TCEANC2: variants seen among roughly 807,000 people sequenced by gnomAD.
TCEANC2 encodes the protein transcription elongation factor A N-terminal and central domain-containing protein 2.
TCEANC2 carries 20 observed loss-of-function variants against 22.8 expected under a neutral mutation model. The observed-to-expected ratio is 0.88, with a 90% CI of 0.62 to 1.28. The LOEUF (loss-of-function observed/expected upper bound fraction) is 1.28. Ranked by LOEUF, TCEANC2 falls within the 50% of genes most tolerant of loss-of-function variation. The pLI, the probability that TCEANC2 is intolerant of heterozygous loss-of-function variation, is 0.00. For synonymous variants in TCEANC2, 84 were observed against 95.5 expected (o/e 0.88, Z 0.70); for missense variants, 251 against 249.7 (o/e 1.01, Z -0.03).
intron 4 of TCEANC2, 63 bp downstream of exon 4, chr1:54,088,853 A>T (rs1356702027): frequency 1.8e-5 from 23 of 1,243,510 alleles, no homozygotes; most frequent in Non-Finnish European, 2.3e-5. Flanking sequence ...AAAGAAGAAA[A>T]ATAAAGGTAA....
rs774147555 is a variant in TCEANC2, at chr1:54,054,537, C to G, written c.102+13C>G. 5 of 1,607,996 alleles carry G rather than the reference C, an allele frequency of 3.1e-6. No individual in the cohort carries two copies. The highest frequency in any genetic ancestry group is 1.3e-5 in the African/African-American group (1 of 74,618). ...TGAATCTCTGAAGGTGAGAGGGGAT[C>G]TGGGGCTAGAGGAAATGTGCAAAGG... On this transcript the variant is annotated intron_variant, in intron 2 of 4. Coordinates refer to ENST00000234827, the MANE Select transcript of TCEANC2 (RefSeq NM_153035.3).
Position 54,060,435 on chromosome 1 carries a change from G to C in TCEANC2, c.102+5911G>C, listed in dbSNP as rs1657831496. ...AAAAAAAAAATTAGCCGGGCGTGGTGGCATGCGCCTATGGTCCTAGCCACT... is the reference window on the plus strand; with the variant it reads ...AAAAAAAAAATTAGCCGGGCGTGGTCGCATGCGCCTATGGTCCTAGCCACT... On this transcript the variant is annotated intron_variant, in intron 2 of 4. Transcript: ENST00000234827. Among the ~76,000 whole-genome samples, 8 of 151,904 alleles carry C rather than the reference G, an allele frequency of 5.3e-5. No individual in the cohort carries two copies. The South Asian group carries it at 1.7e-3, about 32-fold the overall frequency.
At chr1:54,062,379 A>T (rs1657874411) in intron 2 of TCEANC2, among the ~76,000 whole-genome samples, 1 of 152,224 alleles carries the variant, frequency 6.6e-6, no homozygotes, top group Non-Finnish European at 1.5e-5. Context: ...ACATTTCTTG[A>T]TATATATGGA....
chr1:54,078,683 T>C (rs1658186631), intron 3 of TCEANC2, among the ~76,000 whole-genome samples: 1 of 152,182 alleles, frequency 6.6e-6, no homozygotes, highest in Non-Finnish European at 1.5e-5. Flanking sequence ...AATACTTATT[T>C]GGAAGTCATC....
rs560132181 is a variant in TCEANC2 at position 54,093,416 on chromosome 1, A to G, written c.439-2869A>G. ...AACAAACTTGTTATACATAAGGTACATGATGAATCATTTTCTATTATGATT... is the reference window on the plus strand; with the variant it reads ...AACAAACTTGTTATACATAAGGTACGTGATGAATCATTTTCTATTATGATT... On this transcript the variant is annotated intron_variant, in intron 4 of 4. Coordinates refer to ENST00000234827, the MANE Select transcript of TCEANC2 (RefSeq NM_153035.3). 5.9e-5 allele frequency among the ~76,000 whole-genome samples: 9 copies of G among 152,304 alleles called. No individual in the cohort carries two copies. The South Asian group carries it at 1.9e-3, about 32-fold the overall frequency.
At chr1:54,093,111 CAT>C (rs776145618) in intron 4 of TCEANC2, among the ~76,000 whole-genome samples, 10 of 152,320 alleles carry the variant, frequency 6.6e-5, no homozygotes, top group East Asian at 5.8e-4. Flanking sequence ...AGAGCAAAAA[CAT>C]GTGAGAAAGA....
downstream of TCEANC2, among the ~76,000 whole-genome samples, chr1:54,108,062 G>C (rs1371429864): frequency 6.6e-6 from 1 of 152,188 alleles, no homozygotes; most frequent in East Asian, 1.9e-4. Flanking sequence ...TAGCCCTTGA[G>C]AACATCCTGT....
At chr1:54,060,873 G>A (rs990080394) in intron 2 of TCEANC2, among the ~76,000 whole-genome samples, 3 of 151,490 alleles carry the variant, frequency 2.0e-5, no homozygotes, top group Non-Finnish European at 4.4e-5. Flanking sequence ...ACTTGGACCC[G>A]GAAGGCAGAG....
chr1:54,069,703 A>G (rs1658022234), intron 3 of TCEANC2, among the ~76,000 whole-genome samples: 2 of 152,160 alleles, frequency 1.3e-5, no homozygotes, highest in African/African-American at 2.4e-5. Flanking sequence ...AAAACGTGTA[A>G]ATAGTGTTCT....
intron 4 of TCEANC2, among the ~76,000 whole-genome samples, chr1:54,092,503 A>G (rs1658465425): frequency 6.6e-6 from 1 of 152,236 alleles, no homozygotes. Context: ...ATGTTATTAG[A>G]AGGCAAGAAA....
Position 54,102,633 on chromosome 1 carries a change from C to T in TCEANC2, c.*6160C>T, listed in dbSNP as rs1276469391. 2 of 152,282 alleles carry T rather than the reference C, an allele frequency of 1.3e-5. No individual in the cohort carries two copies. Among genetic ancestry groups the T allele is most frequent in the Non-Finnish European group, 2.9e-5 (2 of 68,086 alleles). The allele number at this position is 152,282 out of a possible 1,614,324, so 9.4% of individuals were successfully genotyped here. On this transcript the variant is annotated 3_prime_UTR_variant, in exon 5 of 5. Transcript: ENST00000234827. ...TAGTTACGTGAGCAGGTGGCCCAGA[C>T]ATCTATGTCATCCACTACCTTTGCA...
chr1:54,088,825 C>T, intron 4 of TCEANC2, 35 bp downstream of exon 4: 1 of 1,400,364 alleles, frequency 7.1e-7, no homozygotes, highest in African/African-American at 1.5e-5. Flanking sequence ...GTTATGTACC[C>T]ATAATAATTA....
rs1658737563 is a variant in TCEANC2 at position 54,105,553 on chromosome 1, G to A, written c.*9080G>A. 2.0e-5 allele frequency: 3 copies of A among 152,090 alleles called. No individual in the cohort carries two copies. The South Asian group carries it at 6.2e-4, about 31-fold the overall frequency. 9.4% of individuals were successfully genotyped at this position (152,090 alleles called of 1,614,324 possible). On this transcript the variant is annotated 3_prime_UTR_variant, in exon 5 of 5. Coordinates refer to ENST00000234827, the MANE Select transcript of TCEANC2 (RefSeq NM_153035.3). ...CCCGCATGCTAATCTCCATCTCAGA[G>A]TCTACTTTCCAAGGAAGTGGGCCTA... is the stretch of plus-strand genomic sequence containing the variant.
intron 2 of TCEANC2, among the ~76,000 whole-genome samples, chr1:54,066,489 T>A (rs1045835630): frequency 6.6e-6 from 1 of 152,120 alleles, no homozygotes; most frequent in South Asian, 2.1e-4. Context: ...AAGTTGAAAG[T>A]AAAGAGATGA....
At chr1:54,063,499 G>C (rs897414535) in intron 2 of TCEANC2, among the ~76,000 whole-genome samples, 21 of 152,086 alleles carry the variant, frequency 1.4e-4, no homozygotes, top group African/African-American at 4.8e-4. Flanking sequence ...ACTCTATATA[G>C]ATCTTCTTGT....
At chr1:54,057,347 A>ATTTTTTT (rs1163556776) in intron 2 of TCEANC2, among the ~76,000 whole-genome samples, 20 of 85,948 alleles carry the variant, frequency 2.3e-4, no homozygotes, top group East Asian at 1.5e-3. Context: ...CACCTGGCTA[A>ATTTTTTT]TTTTTTTTTT....
At chr1:54,087,580 A>T (rs750288083) in intron 3 of TCEANC2, among the ~76,000 whole-genome samples, 1 of 152,192 alleles carries the variant, frequency 6.6e-6, no homozygotes, top group Non-Finnish European at 1.5e-5. Flanking sequence ...CAATTATTCC[A>T]TGGTATAATT....
chr1:54,090,989 A>G lies in TCEANC2; in HGVS notation c.438+2199A>G, dbSNP rs530984052. On this transcript the variant is annotated intron_variant, in intron 4 of 4. Coordinates refer to ENST00000234827, the MANE Select transcript of TCEANC2 (RefSeq NM_153035.3). ...TCCTTTAAATGGCACATCAAGTGGT[A>G]AGCACTCAAGTGTTATAAAGCAAAG... Among the ~76,000 whole-genome samples the G allele has an allele frequency of 3.3e-5, 5 of 152,194 alleles. No homozygotes were observed. In the South Asian group the frequency reaches 8.3e-4, roughly 25 times the overall value.
intron 2 of TCEANC2, among the ~76,000 whole-genome samples, chr1:54,056,194 A>G (rs578049144): frequency 1.3e-5 from 2 of 152,232 alleles, no homozygotes; most frequent in Non-Finnish European, 2.9e-5. Flanking sequence ...GTACATAGCA[A>G]TGATTCTCAA....
Sources: gnomAD v4.1 joint callset for allele counts (sites outside exome capture counted in the v4.1 genomes callset) on GRCh38, gnomAD v4.1.1 for gene constraint, MANE v1.5 for transcripts, NCBI Gene and HGNC (gene_info 2026-07-23, HGNC 2026-07-21) for gene names.